TRAFD1: variants seen among roughly 807,000 people sequenced by gnomAD.
TRAFD1 encodes TRAF-type zinc finger domain containing 1.
In TRAFD1, 38 loss-of-function variants were observed where a neutral mutation model predicts 65.3. The observed-to-expected ratio is 0.58, with a 90% confidence interval of 0.45 to 0.76. The LOEUF (loss-of-function observed/expected upper bound fraction) is 0.76. Ranked by LOEUF, TRAFD1 falls within the 30% of genes least tolerant of loss-of-function variation. The probability of loss-of-function intolerance (pLI) is 0.00; values close to 1 mark genes in which losing one functional copy is unlikely to be tolerated. For synonymous variants in TRAFD1, 223 were observed against 257.2 expected (o/e 0.87, Z 1.27); for missense variants, 631 against 712.6 (o/e 0.89, Z 1.30).
rs367587720 is a variant in TRAFD1, at chr12:112,134,956, T to G, written c.184-57T>G. ...ATGTATTCTGTTTGCTATTGTGCAA[T>G]AGCAAATGAGCATATTGTCCCAAAG... On this transcript the variant is annotated intron_variant, in intron 3 of 11. Transcript: ENST00000412615. The G allele has an allele frequency of 1.5e-5, 25 of 1,613,920 alleles. No homozygotes were observed. In the African/African-American group the frequency reaches 2.4e-4, roughly 16 times the overall value.
chr12:112,135,930 G>T (rs1323044502), intron 4 of TRAFD1, among the ~76,000 whole-genome samples: 2 of 150,874 alleles, frequency 1.3e-5, no homozygotes, highest in Non-Finnish European at 3.0e-5. Flanking sequence ...ATCACTTGAG[G>T]TCAGAGTTTG....
rs777420303 is a variant in TRAFD1 at position 112,149,788 on chromosome 12, A to G, written c.1196A>G (p.His399Arg). The G allele has an allele frequency of 4.4e-5, 71 of 1,614,052 alleles. No individual in the cohort carries two copies. The highest frequency in any genetic ancestry group is 3.3e-4 in the East Asian group (15 of 44,898). The change falls in exon 9 of 12, where the codon CAT (histidine) becomes CGT (arginine). Residue 399 changes from histidine to arginine, a missense_variant. Physicochemically the swap from His to Arg is conservative, Grantham distance 29. Transcript: ENST00000412615. Reference protein sequence around the residue: ...CDQRPATATNHVTEGIPRLDS... With the variant: ...CDQRPATATNRVTEGIPRLDS... The stretch of plus-strand genomic sequence containing the variant: ...CAACGCCCAGCCACTGCAACCAACC[A>G]TGTGACAGAGGGGATTCCTAGACTG...
chr12:112,139,762 G>T (rs1413672312), intron 4 of TRAFD1, among the ~76,000 whole-genome samples: 1 of 152,168 alleles, frequency 6.6e-6, no homozygotes, highest in African/African-American at 2.4e-5. Context: ...GATTTGCTAG[G>T]AGTAGTGGCT....
intron 1 of TRAFD1, among the ~76,000 whole-genome samples, chr12:112,129,463 A>G: frequency 6.6e-6 from 1 of 151,790 alleles, no homozygotes; most frequent in East Asian, 1.9e-4. Context: ...CAGCCTCCCA[A>G]AGTTCTGGGA....
At position 112,141,136 on chromosome 12, in the gene TRAFD1, C is replaced by G; in HGVS notation, c.555C>G (p.Pro185=). ...CACCCATGAGGCTGCCGCGAAGGCCCCTGAGAGCCTTTGAATCAGATGTTT... is the reference window on the plus strand; with the variant it reads ...CACCCATGAGGCTGCCGCGAAGGCCGCTGAGAGCCTTTGAATCAGATGTTT... ...LDPPMRLPRR[P]LRAFESDVFH... The change falls in exon 5 of 12, where the codon CCC becomes CCG. Residue 185 remains proline (P), a synonymous_variant. Coordinates refer to ENST00000412615, the MANE Select transcript of TRAFD1 (RefSeq NM_006700.3). The G allele has an allele frequency of 6.2e-7, 1 of 1,614,116 alleles. No individual in the cohort carries two copies. The highest frequency in any genetic ancestry group is 8.5e-7 in the Non-Finnish European group (1 of 1,180,018).
rs768083559 is a variant in TRAFD1 at position 112,148,262 on chromosome 12, C to A, written c.1116C>A (p.Phe372Leu). ...VEESIIIPCE[F>L]CGVQLEEEVL... Reference sequence around the variant, plus strand: ...AGAGCATCATTATCCCATGTGAATTCTGTGGGGTACAGCTGGAAGAGGAGG... The same window carrying A: ...AGAGCATCATTATCCCATGTGAATTATGTGGGGTACAGCTGGAAGAGGAGG... The change falls in exon 8 of 12, where the codon TTC becomes TTA. Residue 372 changes from phenylalanine (F) to leucine (L), a missense_variant. Coordinates refer to ENST00000412615, the MANE Select transcript of TRAFD1 (RefSeq NM_006700.3). 6.2e-7 allele frequency: 1 copy of A among 1,614,152 alleles called. No homozygotes were observed. Among genetic ancestry groups the A allele is most frequent in the Non-Finnish European group, 8.5e-7 (1 of 1,180,018 alleles).
In TRAFD1 at chr12:112,149,836, CACCA is replaced by C; in HGVS notation, c.1245_1248del (p.Pro416SerfsTer42). 1 of 1,614,210 alleles carries C rather than the reference CACCA, an allele frequency of 6.2e-7. No individual in the cohort carries two copies. The highest frequency in any genetic ancestry group is 8.5e-7 in the Non-Finnish European group (1 of 1,180,026). ...CTGGATTCCCAGCCTCAAGAGACCT[CACCA>C]GAGCTGCCCAGGAGGCGTGTCAGAC... On this transcript the variant is annotated frameshift_variant, in exon 9 of 12. Transcript: ENST00000412615. LOFTEE classifies it high-confidence loss of function.
intron 9 of TRAFD1, 132 bp from the exon 10 acceptor site, chr12:112,151,669 T>G: frequency 1.2e-6 from 1 of 856,272 alleles, no homozygotes; most frequent in Non-Finnish European, 1.8e-6. Flanking sequence ...AAGTGCTGGG[T>G]TTACAGGCAT....
At chr12:112,126,983 C>G (rs751568151) in intron 1 of TRAFD1, among the ~76,000 whole-genome samples, 13 of 152,084 alleles carry the variant, frequency 8.5e-5, no homozygotes, top group Admixed American at 2.6e-4. Context: ...TATGTCATTC[C>G]CTAGTTTAAA....
rs147583199 is a variant in TRAFD1, at chr12:112,151,973, G to A, written c.1452G>A (p.Pro484=). 11 of 1,614,112 alleles carry A rather than the reference G, an allele frequency of 6.8e-6. No individual in the cohort carries two copies. Among genetic ancestry groups the A allele is most frequent in the Middle Eastern group, 3.3e-4 (2 of 6,084 alleles). The stretch of plus-strand genomic sequence containing the variant: ...GCCAGCCCAGCTCTCCTTGTGTGCC[G>A]AAGCTCAGCAACTCAGACAGCCAGG... ...PGCQPSSPCV[P]KLSNSDSQDI... The change falls in exon 10 of 12, where the codon CCG becomes CCA. Residue 484 remains proline, a synonymous_variant. Coordinates refer to ENST00000412615, the MANE Select transcript of TRAFD1 (RefSeq NM_006700.3).
chr12:112,144,169 A>G (rs905477939), intron 6 of TRAFD1, among the ~76,000 whole-genome samples: 2 of 152,018 alleles, frequency 1.3e-5, no homozygotes, highest in African/African-American at 4.8e-5. Context: ...GTGTGTGAAC[A>G]CCAAGTTTTC....
chr12:112,142,359 A>T (rs545045412), intron 6 of TRAFD1, 64 bp downstream of exon 6: 59 of 1,485,290 alleles, frequency 4.0e-5, no homozygotes, highest in South Asian at 7.5e-5. Context: ...AGGTTATACA[A>T]TTCTTATACA....
chr12:112,147,987 A>G (rs2030299554), intron 7 of TRAFD1, 87 bp from the exon 8 acceptor site: 1 of 1,274,640 alleles, frequency 7.8e-7, no homozygotes, highest in Middle Eastern at 1.9e-4. Flanking sequence ...TTAAAATTAT[A>G]TGACTTCTTC....
intron 9 of TRAFD1, among the ~76,000 whole-genome samples, chr12:112,150,290 C>A (rs2030364800): frequency 6.6e-6 from 1 of 152,018 alleles, no homozygotes; most frequent in Admixed American, 6.6e-5. Context: ...TGCTCTGTCA[C>A]CCAGGCTGGA....
At chr12:112,150,898 T>A (rs1413121829) in intron 9 of TRAFD1, among the ~76,000 whole-genome samples, 1 of 151,968 alleles carries the variant, frequency 6.6e-6, no homozygotes, top group East Asian at 1.9e-4. Flanking sequence ...CCATCATGTT[T>A]AGGCAAGTAA....
intron 1 of TRAFD1, among the ~76,000 whole-genome samples, chr12:112,127,931 G>A (rs1387033373): frequency 1.3e-5 from 2 of 151,788 alleles, no homozygotes; most frequent in Non-Finnish European, 1.5e-5. Flanking sequence ...TTGAACTCCT[G>A]AGCTCAAGTG....
chr12:112,130,279 A>C lies in TRAFD1; in HGVS notation c.-12-232A>C, dbSNP rs1024572726. Among the ~76,000 whole-genome samples the C allele has an allele frequency of 5.9e-5, 9 of 152,076 alleles. No individual in the cohort carries two copies. The highest frequency in any genetic ancestry group is 2.2e-4 in the African/African-American group (9 of 41,426). ...GAGCCACTGTACCCAGCCTAGTAAA[A>C]GTATTTTATTTTATTATTTTTATTT... On this transcript the variant is annotated intron_variant, in intron 1 of 11. Coordinates refer to ENST00000412615, the MANE Select transcript of TRAFD1 (RefSeq NM_006700.3). This position sits in a 1 kb window ranked among gnomAD's most constrained non-coding sequence, Gnocchi z 4.4.
At chr12:112,135,151 G>C (rs1282123389) in intron 4 of TRAFD1, 85 bp downstream of exon 4, 1 of 1,497,250 alleles carries the variant, frequency 6.7e-7, no homozygotes, top group Non-Finnish European at 9.3e-7. Flanking sequence ...GTCTGGTTGA[G>C]TGTTAGTTCT....
At position 112,145,641 on chromosome 12, in the gene TRAFD1, G is replaced by C; in HGVS notation, c.906G>C (p.Glu302Asp). 1 of 1,614,148 alleles carries C rather than the reference G, an allele frequency of 6.2e-7. No homozygotes were observed. Among genetic ancestry groups the C allele is most frequent in the Non-Finnish European group, 8.5e-7 (1 of 1,180,016 alleles). ...PCEFCEELYP[E>D]ELLIDHQTSC... ...AATTTTGTGAGGAGCTCTACCCAGAGGAACTGCTGATTGACCATCAGGTGT... is the reference window on the plus strand; with the variant it reads ...AATTTTGTGAGGAGCTCTACCCAGACGAACTGCTGATTGACCATCAGGTGT... Residue 302 changes from glutamate to aspartate, a missense_variant, in exon 7 of 12, where the codon GAG (glutamate) becomes GAC (aspartate). Glu to Asp is a conservative substitution (Grantham distance 45). Coordinates refer to ENST00000412615, the MANE Select transcript of TRAFD1 (RefSeq NM_006700.3).
Sources: gnomAD v4.1 joint callset for allele counts (sites outside exome capture counted in the v4.1 genomes callset) on GRCh38, gnomAD v4.1.1 for gene constraint, Gnocchi (gnomAD v3.1) non-coding constraint, MANE v1.5 for transcripts, NCBI Gene and HGNC (gene_info 2026-07-23, HGNC 2026-07-21) for gene names.